Variants in MLH3 observed in about 807,000 individuals in gnomAD.
MLH3 encodes the protein DNA mismatch repair protein Mlh3.
A neutral mutation model predicts 122.2 loss-of-function variants in MLH3; 82 were observed. That is an observed-to-expected ratio of 0.67 (90% CI 0.56 to 0.81). MLH3 has a LOEUF of 0.81. MLH3 is among the 30% of genes least tolerant of loss of function. MLH3 has a pLI of 0.00. For missense variants in MLH3, 1,539 were observed against 1,714.5 expected (o/e 0.90, Z 1.81); for synonymous variants, 524 against 599.5 (o/e 0.87, Z 1.84).
chr14:75,020,261 G>A (rs1421719162), intron 11 of MLH3, among the ~76,000 whole-genome samples: 1 of 152,216 alleles, frequency 6.6e-6, no homozygotes, highest in East Asian at 1.9e-4. Flanking sequence ...GAAGACCCTT[G>A]TGGGCCACAG....
rs1316467728 is a variant in MLH3, at chr14:75,047,156, T to G, written c.2500A>C (p.Lys834Gln). 1 of 1,614,192 alleles carries G rather than the reference T, an allele frequency of 6.2e-7. No homozygotes were observed. The highest frequency in any genetic ancestry group is 8.5e-7 in the Non-Finnish European group (1 of 1,180,002). ...ILNSEKFPFS[K>Q]DEDCLEQQMP... ...TGTTGTTCTAAACAATCTTCATCCT[T>G]GGAGAATGGAAACTTCTCTGAGTTA... Residue 834 changes from lysine (K) to glutamine (Q), a missense_variant, in exon 2 of 13, where the codon AAG (lysine) becomes CAG (glutamine). Physicochemically the swap from Lys to Gln is moderately conservative, Grantham distance 53. Transcript: ENST00000355774.
intron 9 of MLH3, among the ~76,000 whole-genome samples, chr14:75,025,495 C>T (rs1890572022): frequency 6.6e-6 from 1 of 152,124 alleles, no homozygotes; most frequent in Non-Finnish European, 1.5e-5. Context: ...GTATTTTCAG[C>T]CATCCTTAGA....
Position 75,032,101 on chromosome 14 carries a change from A to G in MLH3, c.3794T>C (p.Ile1265Thr). 6.2e-7 allele frequency: 1 copy of G among 1,613,398 alleles called. No homozygotes were observed. The highest frequency in any genetic ancestry group is 2.2e-5 in the East Asian group (1 of 44,872). ...TCTCCTTTGTTCCTCTGTCACTGTT[A>G]TCTCTAGCGGAGGAATTAGAGTAGA... is the stretch of plus-strand genomic sequence containing the variant. The part of the protein sequence containing the change: ...LSSTLIPPLE[I>T]TVTEEQRRLL... The change falls in exon 8 of 13, where the codon ATA (isoleucine) becomes ACA (threonine). Residue 1265 changes from isoleucine to threonine, a missense_variant. Ile to Thr is a moderately conservative substitution (Grantham distance 89). Transcript: ENST00000355774.
intron 9 of MLH3, among the ~76,000 whole-genome samples, chr14:75,028,040 C>T (rs1203616956): frequency 1.4e-5 from 2 of 148,092 alleles, no homozygotes; most frequent in African/African-American, 4.9e-5. Flanking sequence ...AAGAGAAATA[C>T]AGAAAACTAT....
At chr14:75,050,138 G>A (rs997464859) in intron 1 of MLH3, among the ~76,000 whole-genome samples, 2 of 152,160 alleles carry the variant, frequency 1.3e-5, no homozygotes, top group Non-Finnish European at 2.9e-5. Context: ...CAATAACCAT[G>A]ACTTTTAGAA....
chr14:75,021,278 T>G (rs1890264528), intron 11 of MLH3, among the ~76,000 whole-genome samples: 1 of 152,184 alleles, frequency 6.6e-6, no homozygotes. Context: ...TAAAAGCAAC[T>G]GCAATAAAAC....
intron 5 of MLH3, among the ~76,000 whole-genome samples, chr14:75,039,152 C>T (rs553520180): frequency 1.8e-4 from 28 of 152,240 alleles, no homozygotes; most frequent in African/African-American, 6.3e-4. Context: ...CCAGCGCGCC[C>T]GGCTGCTAGT....
intron 2 of MLH3, 144 bp downstream of exon 2, chr14:75,046,232 A>C (rs1892206487): frequency 2.4e-6 from 2 of 827,492 alleles, no homozygotes; most frequent in African/African-American, 1.7e-5. Flanking sequence ...TTCATATAGC[A>C]TGAAAATACA....
rs150238378 is a variant in MLH3 at position 75,033,605 on chromosome 14, A to T, written c.3644-115T>A. On this transcript the variant is annotated intron_variant, in intron 6 of 12. Coordinates refer to ENST00000355774, the MANE Select transcript of MLH3 (RefSeq NM_001040108.2). Reference sequence around the variant, plus strand: ...ATCTAACAACAGCATAAGACAAAACATTCTGAGGAGTAACAATTGTATCTT... The same window carrying T: ...ATCTAACAACAGCATAAGACAAAACTTTCTGAGGAGTAACAATTGTATCTT... 6.9e-4 allele frequency: 526 copies of T among 763,404 alleles called. 7 individuals are homozygous for T. In the East Asian group the frequency reaches 8.5e-3, roughly 12 times the overall value. The allele number at this position is 763,404 out of a possible 1,614,324, so 47.3% of individuals were successfully genotyped here. A position where few individuals can be genotyped will look rare whatever the true frequency, so the allele number is the denominator to read the frequency against.
At position 75,032,101 on chromosome 14, in the gene MLH3, A is replaced by T. The variant is rs1469661101; in HGVS notation, c.3794T>A (p.Ile1265Lys). The T allele has an allele frequency of 1.2e-6, 2 of 1,613,398 alleles. No individual in the cohort carries two copies. Among genetic ancestry groups the T allele is most frequent in the Non-Finnish European group, 8.5e-7 (1 of 1,179,304 alleles). The change falls in exon 8 of 13, where the codon ATA becomes AAA. Residue 1265 changes from isoleucine (I) to lysine (K), a missense_variant. Coordinates refer to ENST00000355774, the MANE Select transcript of MLH3 (RefSeq NM_001040108.2). The part of the protein sequence containing the change: ...LSSTLIPPLE[I>K]TVTEEQRRLL... ...TCTCCTTTGTTCCTCTGTCACTGTT[A>T]TCTCTAGCGGAGGAATTAGAGTAGA...
At chr14:75,018,752 C>A (rs755797971) in intron 12 of MLH3, 77 bp downstream of exon 12, 21 of 1,509,040 alleles carry the variant, frequency 1.4e-5, no homozygotes, top group Non-Finnish European at 1.8e-5. Flanking sequence ...AGACAGATTA[C>A]AGTTGCATAG....
At chr14:75,040,682 C>T (rs913404262) in intron 4 of MLH3, among the ~76,000 whole-genome samples, 1 of 152,058 alleles carries the variant, frequency 6.6e-6, no homozygotes, top group Non-Finnish European at 1.5e-5. Flanking sequence ...ATGCACAGTA[C>T]ATTCTGTGAA....
intron 5 of MLH3, 152 bp downstream of exon 5, chr14:75,039,759 A>AAC (rs34635307): frequency 0.037 from 7,543 of 203,050 alleles, 452 homozygotes; most frequent in African/African-American, 0.15. Flanking sequence ...TTCTAGTAAG[A>AAC]ACACACACAC....
chr14:75,034,529 G>A (rs1306417195), intron 6 of MLH3, among the ~76,000 whole-genome samples: 3 of 152,154 alleles, frequency 2.0e-5, no homozygotes, highest in Non-Finnish European at 4.4e-5. Flanking sequence ...TGTGAATATC[G>A]TAGCTGTGTT....
rs1892418940 is a variant in MLH3, at chr14:75,048,400, T to G, written c.1256A>C (p.Asn419Thr). The G allele has an allele frequency of 6.2e-7, 1 of 1,608,700 alleles. No homozygotes were observed. The highest frequency in any genetic ancestry group is 8.5e-7 in the Non-Finnish European group (1 of 1,178,074). ...KAVKRKTTAE[N>T]VNTQSSRDSE... is the part of the protein sequence containing the mutation. Reference sequence around the variant, plus strand: ...ATCCCTAGAACTCTGTGTGTTTACGTTTTCTGCAGTAGTTTTTCTTTTCAC... The same window carrying G: ...ATCCCTAGAACTCTGTGTGTTTACGGTTTCTGCAGTAGTTTTTCTTTTCAC... Residue 419 changes from asparagine (N) to threonine (T), a missense_variant, in exon 2 of 13, where the codon AAC becomes ACC. Asn to Thr is a moderately conservative substitution (Grantham distance 65). Transcript: ENST00000355774.
intron 12 of MLH3, among the ~76,000 whole-genome samples, chr14:75,018,337 G>A (rs1355303292): frequency 1.3e-5 from 2 of 152,138 alleles, no homozygotes; most frequent in African/African-American, 4.8e-5. Flanking sequence ...GCATAATGTA[G>A]AGATCCCCAA....
chr14:75,019,230 T>C (rs2139300311), intron 11 of MLH3: 1 of 429,160 alleles, frequency 2.3e-6, no homozygotes, highest in Non-Finnish European at 4.3e-6. Context: ...GCCAATATGG[T>C]GAAATCCCGC....
rs770469289 is a variant in MLH3, at chr14:75,017,114, G to A, written c.4330C>T (p.Gln1444Ter). ...GGCTCACAGGGAGGCATGGATTGCT[G>A]CAGGCTCTGCCTTGTATCACACTCT... ...KAECDTRQSL[Q>*]QSMPPCEPP The change falls in exon 13 of 13, where the codon CAG (glutamine) becomes TAG (stop). Residue 1444 changes from glutamine (Q) to a stop codon, truncating the protein, a stop_gained. Coordinates refer to ENST00000355774, the MANE Select transcript of MLH3 (RefSeq NM_001040108.2). LOFTEE classifies it high-confidence loss of function. 1 of 1,613,876 alleles carries A rather than the reference G, an allele frequency of 6.2e-7. No individual in the cohort carries two copies. The highest frequency in any genetic ancestry group is 8.5e-7 in the Non-Finnish European group (1 of 1,179,884).
rs1371922171 is a variant in MLH3 at position 75,018,681 on chromosome 14, G to A, written c.4242+148C>T. ...ATTTGAGCTGGAAAATGAAATGGGT[G>A]AGGCTTTATGTGAAACTTCCAGTGC... On this transcript the variant is annotated intron_variant, in intron 12 of 12. Transcript: ENST00000355774. 5 of 843,702 alleles carry A rather than the reference G, an allele frequency of 5.9e-6. No individual in the cohort carries two copies. In the African/African-American group the frequency reaches 8.4e-5, roughly 14 times the overall value. The allele number at this position is 843,702 out of a possible 1,614,324, so 52.3% of individuals were successfully genotyped here. A position where few individuals can be genotyped will look rare whatever the true frequency, so the allele number is the denominator to read the frequency against.
Sources: gnomAD v4.1 joint callset for allele counts (sites outside exome capture counted in the v4.1 genomes callset) on GRCh38, gnomAD v4.1.1 for gene constraint, MANE v1.5 for transcripts, NCBI Gene and HGNC (gene_info 2026-07-23, HGNC 2026-07-21) for gene names.